Variants in PPP3CA observed in about 807,000 individuals in gnomAD.
PPP3CA encodes the protein CAM-PRP catalytic subunit.
PPP3CA carries 14 observed loss-of-function variants against 66.5 expected under a neutral mutation model. That is an observed-to-expected ratio of 0.21 (90% CI 0.14 to 0.33). The LOEUF (loss-of-function observed/expected upper bound fraction) is 0.33. Ranked by LOEUF, PPP3CA falls within the 10% of genes least tolerant of loss-of-function variation. PPP3CA has a pLI of 1.00. For missense variants in PPP3CA, 317 were observed against 639.5 expected (o/e 0.50, Z 5.44); for synonymous variants, 232 against 226.2 (o/e 1.03, Z -0.23).
intron 10 of PPP3CA, among the ~76,000 whole-genome samples, chr4:101,056,551 G>A (rs1728231677): frequency 1.3e-5 from 2 of 152,124 alleles, no homozygotes; most frequent in African/African-American, 4.8e-5. Context: ...TATTACCTTT[G>A]ACTTTCCCAC....
chr4:101,344,422 A>C (rs1329385022), intron 1 of PPP3CA, among the ~76,000 whole-genome samples: 1 of 152,244 alleles, frequency 6.6e-6, no homozygotes, highest in African/African-American at 2.4e-5. Flanking sequence ...CAGGATAAAC[A>C]ATAACAGTGT....
intron 10 of PPP3CA, among the ~76,000 whole-genome samples, chr4:101,056,457 A>T (rs1728227670): frequency 6.6e-6 from 1 of 152,158 alleles, no homozygotes; most frequent in South Asian, 2.1e-4. Flanking sequence ...CTATAGGCGC[A>T]TCTCTAAATT....
At chr4:101,182,334 G>A (rs979596017) in intron 2 of PPP3CA, among the ~76,000 whole-genome samples, 2 of 152,222 alleles carry the variant, frequency 1.3e-5, no homozygotes, top group Admixed American at 6.5e-5. Context: ...AATAAAACAG[G>A]CTTAAGTATT....
intron 1 of PPP3CA, among the ~76,000 whole-genome samples, chr4:101,278,837 T>C (rs552095207): frequency 1.3e-5 from 2 of 152,296 alleles, no homozygotes; most frequent in African/African-American, 2.4e-5. Flanking sequence ...CGTGGACATC[T>C]GGCCCCCTTT....
intron 1 of PPP3CA, among the ~76,000 whole-genome samples, chr4:101,246,762 C>T (rs1004154429): frequency 2.6e-5 from 4 of 151,980 alleles, no homozygotes; most frequent in Non-Finnish European, 5.9e-5. Flanking sequence ...ATATTCACAT[C>T]TCCTTCTATA....
intron 2 of PPP3CA, among the ~76,000 whole-genome samples, chr4:101,191,236 A>G (rs114708059): frequency 1.9e-3 from 288 of 152,308 alleles, no homozygotes; most frequent in East Asian, 0.014. Flanking sequence ...GTGAAGCCCT[A>G]CAGGTGATTC....
Position 101,302,702 on chromosome 4 carries a change from T to TA in PPP3CA, c.58+44036dup, listed in dbSNP as rs1728418023. Among the ~76,000 whole-genome samples, 3 of 152,118 alleles carry TA rather than the reference T, an allele frequency of 2.0e-5. No homozygotes were observed. The South Asian group carries it at 6.2e-4, about 32-fold the overall frequency. ...TTTTTATGCAGAACTCAAACTAATCTAAAAAACCAGTTAATTTTCAATATT... is the reference window on the plus strand; with the variant it reads ...TTTTTATGCAGAACTCAAACTAATCTAAAAAAACCAGTTAATTTTCAATATT... On this transcript the variant is annotated intron_variant, in intron 1 of 13. Coordinates refer to ENST00000394854, the MANE Select transcript of PPP3CA (RefSeq NM_000944.5).
At chr4:101,152,724 G>T (rs1221743181) in intron 2 of PPP3CA, among the ~76,000 whole-genome samples, 1 of 151,900 alleles carries the variant, frequency 6.6e-6, no homozygotes, top group East Asian at 1.9e-4. Flanking sequence ...ACCTACCATG[G>T]GGCAAGCACA....
chr4:101,055,137 A>T (rs1728172199), intron 10 of PPP3CA, among the ~76,000 whole-genome samples: 1 of 152,084 alleles, frequency 6.6e-6, no homozygotes, highest in South Asian at 2.1e-4. Context: ...CCAGATAAAT[A>T]ACTATTCCTA....
intron 2 of PPP3CA, among the ~76,000 whole-genome samples, chr4:101,129,536 C>T (rs1486200771): frequency 6.6e-6 from 1 of 152,296 alleles, no homozygotes; most frequent in Non-Finnish European, 1.5e-5. Flanking sequence ...TGGGACAAAG[C>T]TTCTAGAGGA....
intron 1 of PPP3CA, among the ~76,000 whole-genome samples, chr4:101,287,766 C>CTT (rs34972470): frequency 6.1e-4 from 89 of 146,216 alleles, no homozygotes; most frequent in African/African-American, 2.2e-3. Flanking sequence ...ATTAACCTCT[C>CTT]TTTTTTTTTT....
rs893396598 is a variant in PPP3CA, at chr4:101,024,897, C to T, written c.*968G>A. On this transcript the variant is annotated 3_prime_UTR_variant, in exon 14 of 14. Transcript: ENST00000394854. ...CCACTAAGCGCATTACAGTCCCATA[C>T]AGGCCGATACAGCCATTTTTTTTTT... is the stretch of plus-strand genomic sequence containing the variant. 2.0e-5 allele frequency: 3 copies of T among 151,902 alleles called. No individual in the cohort carries two copies. The highest frequency in any genetic ancestry group is 7.3e-5 in the African/African-American group (3 of 41,172). The allele number at this position is 151,902 out of a possible 1,614,324, so 9.4% of individuals were successfully genotyped here.
chr4:101,220,298 C>G (rs1725583427), intron 1 of PPP3CA, among the ~76,000 whole-genome samples: 2 of 40,250 alleles, frequency 5.0e-5, no homozygotes, highest in Non-Finnish European at 9.0e-5. Flanking sequence ...CTTGACAGCA[C>G]GTTTTTTTTT....
At chr4:101,268,378 C>A (rs1192715668) in intron 1 of PPP3CA, among the ~76,000 whole-genome samples, 1 of 152,114 alleles carries the variant, frequency 6.6e-6, no homozygotes, top group Admixed American at 6.6e-5. Flanking sequence ...CATTCTTAAG[C>A]TGGTACACAG....
In PPP3CA at chr4:101,024,125, CTCTTA is replaced by C. The variant is rs1560565938; in HGVS notation, c.*1735_*1739del. ...TGGCATCTGCTCTTTAAACAGGCTTCTCTTATCTGATTTGAGACACAAATCCACCA... is the reference window on the plus strand; with the variant it reads ...TGGCATCTGCTCTTTAAACAGGCTTCTCTGATTTGAGACACAAATCCACCA... On this transcript the variant is annotated 3_prime_UTR_variant, in exon 14 of 14. Coordinates refer to ENST00000394854, the MANE Select transcript of PPP3CA (RefSeq NM_000944.5). 1 of 152,190 alleles carries C rather than the reference CTCTTA, an allele frequency of 6.6e-6. No homozygotes were observed. The highest frequency in any genetic ancestry group is 1.5e-5 in the Non-Finnish European group (1 of 68,032). The allele number at this position is 152,190 out of a possible 1,614,324, so 9.4% of individuals were successfully genotyped here. A position where few individuals can be genotyped will look rare whatever the true frequency, so the allele number is the denominator to read the frequency against.
rs12640431 is a variant in PPP3CA at position 101,334,441 on chromosome 4, G to A, written c.58+12298C>T. ...GAGCCACCGCGCCCAACCCCCGAGT[G>A]ACAATTTCAAAGAGGCATGGGATAT... On this transcript the variant is annotated intron_variant, in intron 1 of 13. Transcript: ENST00000394854. 2.6e-4 allele frequency among the ~76,000 whole-genome samples: 40 copies of A among 152,062 alleles called. No individual in the cohort carries two copies. The East Asian group carries it at 7.5e-3, about 29-fold the overall frequency.
chr4:101,067,789 C>A lies in PPP3CA; in HGVS notation c.956-4432G>T, dbSNP rs1293214733. Among the ~76,000 whole-genome samples the A allele has an allele frequency of 2.0e-5, 3 of 149,608 alleles. No individual in the cohort carries two copies. In the East Asian group the frequency reaches 5.9e-4, roughly 29 times the overall value. On this transcript the variant is annotated intron_variant, in intron 8 of 13. Coordinates refer to ENST00000394854, the MANE Select transcript of PPP3CA (RefSeq NM_000944.5). ...ATGTAACAAACCTGCACGTTGTGCACATGTACCCTAAAACTTAAAGTATAA... is the reference window on the plus strand; with the variant it reads ...ATGTAACAAACCTGCACGTTGTGCAAATGTACCCTAAAACTTAAAGTATAA...
intron 1 of PPP3CA, among the ~76,000 whole-genome samples, chr4:101,201,097 A>G (rs368603186): frequency 1.3e-5 from 2 of 152,322 alleles, no homozygotes; most frequent in African/African-American, 4.8e-5. Context: ...AATATTTAGA[A>G]CATATTGGGC....
chr4:101,122,386 GTA>G (rs775633454), intron 2 of PPP3CA, among the ~76,000 whole-genome samples: 3 of 152,136 alleles, frequency 2.0e-5, no homozygotes, highest in African/African-American at 7.2e-5. Context: ...AGAGCTCTTT[GTA>G]TGTGTGTGTG....
Sources: gnomAD v4.1 joint callset for allele counts (sites outside exome capture counted in the v4.1 genomes callset) on GRCh38, gnomAD v4.1.1 for gene constraint, MANE v1.5 for transcripts, NCBI Gene and HGNC (gene_info 2026-07-23, HGNC 2026-07-21) for gene names.